The following CYP4Z1 variants were observed in gnomAD, a reference collection of about 807,000 sequenced individuals.
The protein encoded by CYP4Z1 is cytochrome P450 family 4 subfamily Z member 1.
A neutral mutation model predicts 54.2 loss-of-function variants in CYP4Z1; 41 were observed. The observed-to-expected ratio is 0.76, with a 90% CI of 0.59 to 0.98. The LOEUF (loss-of-function observed/expected upper bound fraction) is 0.98. Among genes scored for constraint, CYP4Z1 ranks in the 50% least tolerant of loss-of-function variants. The pLI, the probability that CYP4Z1 is intolerant of heterozygous loss-of-function variation, is 0.00. For missense variants in CYP4Z1, 513 were observed against 599.0 expected, an observed-to-expected ratio of 0.86 and a Z score of 1.50; for synonymous variants, 163 against 206.2, an observed-to-expected ratio of 0.79 and a Z score of 1.79.
intron 7 of CYP4Z1, among the ~76,000 whole-genome samples, chr1:47,098,094 A>T (rs4926729): frequency 6.6e-6 from 1 of 151,844 alleles, no homozygotes. Context: ...TGGGATTACA[A>T]GCGTGAGCCG....
intron 6 of CYP4Z1, among the ~76,000 whole-genome samples, chr1:47,094,265 T>G (rs1228636302): frequency 6.6e-6 from 1 of 152,190 alleles, no homozygotes; most frequent in Non-Finnish European, 1.5e-5. Context: ...AACCTTTGAA[T>G]TAAATTTATG....
intron 2 of CYP4Z1, among the ~76,000 whole-genome samples, chr1:47,072,887 T>C (rs1371973334): frequency 1.3e-5 from 2 of 151,908 alleles, no homozygotes; most frequent in African/African-American, 4.9e-5. Context: ...TTGCCAAAAA[T>C]GCTCTTCCTC....
intron 8 of CYP4Z1, among the ~76,000 whole-genome samples, chr1:47,105,704 C>G (rs572060207): frequency 6.6e-6 from 1 of 152,128 alleles, no homozygotes; most frequent in South Asian, 2.1e-4. Context: ...GTGGAAGAGG[C>G]GAGTACCAGA....
At chr1:47,058,385 C>T in the CYP4Z1 span, among the ~76,000 whole-genome samples, 3 of 152,076 alleles carry the variant, frequency 2.0e-5, no homozygotes, top group African/African-American at 7.2e-5. Context: ...TCTGGTTCCC[C>T]TACACTCTGG....
chr1:47,062,845 G>A (rs1197496380), upstream of CYP4Z1, among the ~76,000 whole-genome samples: 2 of 152,174 alleles, frequency 1.3e-5, no homozygotes, highest in East Asian at 1.9e-4. Context: ...ATAACCAGGT[G>A]TCTCTACAGC....
At position 47,085,339 on chromosome 1, in the gene CYP4Z1, T is replaced by TG. The variant is rs1276261685; in HGVS notation, c.772+364dup. The stretch of plus-strand genomic sequence containing the variant: ...CATCTGAGCAAGTACTGAACATGAG[T>TG]GGGTACTGCCTACTATGCACAGTTC... On this transcript the variant is annotated intron_variant, in intron 6 of 11. Transcript: ENST00000334194. 2.6e-5 allele frequency among the ~76,000 whole-genome samples: 4 copies of TG among 152,018 alleles called. No homozygotes were observed. The East Asian group carries it at 7.7e-4, about 29-fold the overall frequency.
chr1:47,070,001 C>T (rs1285313344), intron 2 of CYP4Z1, among the ~76,000 whole-genome samples: 9 of 119,390 alleles, frequency 7.5e-5, no homozygotes, highest in South Asian at 3.5e-4. Context: ...GAGAAAAGAG[C>T]AGAATAATAT....
At chr1:47,083,669 G>A (rs1194438049) in intron 4 of CYP4Z1, among the ~76,000 whole-genome samples, 1 of 152,170 alleles carries the variant, frequency 6.6e-6, no homozygotes, top group East Asian at 1.9e-4. Context: ...TAGAGGAAGA[G>A]TTGAGTTCAA....
chr1:47,089,364 A>C (rs1335998027), intron 6 of CYP4Z1, among the ~76,000 whole-genome samples: 3 of 152,040 alleles, frequency 2.0e-5, no homozygotes, highest in African/African-American at 7.2e-5. Context: ...CAGGATGTGC[A>C]GGATACGGAT....
upstream of CYP4Z1, among the ~76,000 whole-genome samples, chr1:47,064,579 A>C (rs987945556): frequency 6.6e-6 from 1 of 152,142 alleles, no homozygotes; most frequent in African/African-American, 2.4e-5. Flanking sequence ...AAAATACACA[A>C]AAATAGAACC....
In CYP4Z1 at chr1:47,070,091, CA is replaced by C. The variant is rs1424419267; in HGVS notation, c.319+1334del. On this transcript the variant is annotated intron_variant, in intron 2 of 11. Transcript: ENST00000334194. ...AGTCCCACTGCAGAAGCACGGTGGC[CA>C]AAAAAGGAGAGCTGAGAATCCTGCT... Among the ~76,000 whole-genome samples, 2 of 113,262 alleles carry C rather than the reference CA, an allele frequency of 1.8e-5. 1 individual carries two copies. The highest frequency in any genetic ancestry group is 7.5e-5 in the African/African-American group (2 of 26,664). 74.3% of individuals were successfully genotyped at this position (113,262 alleles called of 152,430 possible).
Position 47,104,740 on chromosome 1 carries a change from T to C in CYP4Z1, c.1068-1388T>C, listed in dbSNP as rs145256188. Reference sequence around the variant, plus strand: ...GGCCCTAGACAGCATGCTCAGGTACTGGGAGGAGTGGAGCCAGCCTGAGCA... The same window carrying C: ...GGCCCTAGACAGCATGCTCAGGTACCGGGAGGAGTGGAGCCAGCCTGAGCA... On this transcript the variant is annotated intron_variant, in intron 8 of 11. Coordinates refer to ENST00000334194, the MANE Select transcript of CYP4Z1 (RefSeq NM_178134.3). Among the ~76,000 whole-genome samples, 689 of 152,142 alleles carry C rather than the reference T, an allele frequency of 4.5e-3. 1 individual carries two copies. Among genetic ancestry groups the C allele is most frequent in the African/African-American group, 0.015 (638 of 41,516 alleles).
At chr1:47,083,339 A>G (rs1644569170) in intron 4 of CYP4Z1, among the ~76,000 whole-genome samples, 1 of 152,196 alleles carries the variant, frequency 6.6e-6, no homozygotes, top group South Asian at 2.1e-4. Context: ...ATAAAAATCA[A>G]AGCAAAACAT....
chr1:47,082,672 C>T (rs1644563596), intron 4 of CYP4Z1, among the ~76,000 whole-genome samples: 1 of 151,540 alleles, frequency 6.6e-6, no homozygotes, highest in African/African-American at 2.4e-5. Context: ...GGTAGGTGCT[C>T]AATGAGAAGT....
At chr1:47,088,735 G>GC (rs1287955576) in intron 6 of CYP4Z1, among the ~76,000 whole-genome samples, 1 of 138,120 alleles carries the variant, frequency 7.2e-6, no homozygotes, top group African/African-American at 2.9e-5. Flanking sequence ...TCCTGCCTCA[G>GC]CCCCCCAAGC....
the CYP4Z1 span, among the ~76,000 whole-genome samples, chr1:47,055,619 G>T: frequency 6.6e-6 from 1 of 152,202 alleles, no homozygotes; most frequent in East Asian, 1.9e-4. Flanking sequence ...TCTATTCAGA[G>T]ATTCAACTTC....
At chr1:47,074,751 A>G (rs1644507691) in intron 2 of CYP4Z1, 1 of 441,720 alleles carries the variant, frequency 2.3e-6, no homozygotes, top group African/African-American at 2.1e-5. Context: ...TAAGTTTGAA[A>G]TCAAGGTGTA....
intron 8 of CYP4Z1, among the ~76,000 whole-genome samples, chr1:47,101,699 G>A (rs1644722951): frequency 6.6e-6 from 1 of 152,064 alleles, no homozygotes; most frequent in Non-Finnish European, 1.5e-5. Context: ...TCCATGTGCT[G>A]ATAAGAAAAA....
chr1:47,069,592 A>G (rs1644477352), intron 2 of CYP4Z1, among the ~76,000 whole-genome samples: 1 of 151,690 alleles, frequency 6.6e-6, no homozygotes, highest in African/African-American at 2.4e-5. Flanking sequence ...CCTTTGCCCA[A>G]AAGGGATGAA....
Sources: allele counts gnomAD v4.1 joint callset (sites outside exome capture counted in the v4.1 genomes callset), GRCh38; gene constraint gnomAD v4.1.1; transcripts MANE v1.5; gene names NCBI Gene and HGNC (gene_info 2026-07-23, HGNC 2026-07-21).